The following GRM8 variants were observed in gnomAD, a reference collection of about 807,000 sequenced individuals.
The protein encoded by GRM8 is glutamate metabotropic receptor 8, also known as metabotropic glutamate receptor 8.
In GRM8, 47 loss-of-function variants were observed where a neutral mutation model predicts 87.2. The ratio of observed to expected loss-of-function variants is 0.54; its 90% CI spans 0.43 to 0.69. The LOEUF is 0.69. Among genes scored for constraint, GRM8 ranks in the 30% least tolerant of loss-of-function variants. The probability of loss-of-function intolerance (pLI) is 0.00; values close to 1 mark genes in which losing one functional copy is unlikely to be tolerated. For missense variants in GRM8, 1,019 were observed against 1,139.2 expected, an observed-to-expected ratio of 0.89 and a Z score of 1.52; for synonymous variants, 396 against 404.5, an observed-to-expected ratio of 0.98 and a Z score of 0.25.
chr7:126,506,018 A>C (rs980874514), intron 9 of GRM8, among the ~76,000 whole-genome samples: 4 of 151,956 alleles, frequency 2.6e-5, no homozygotes, highest in Non-Finnish European at 5.9e-5. Context: ...GCCCCTGTCA[A>C]CCACCATGCT....
intron 9 of GRM8, among the ~76,000 whole-genome samples, chr7:126,517,138 G>C (rs1274148041): frequency 6.6e-6 from 1 of 151,990 alleles, no homozygotes; most frequent in Non-Finnish European, 1.5e-5. Context: ...TTTAGGGCCA[G>C]TTTTACACCA....
At chr7:126,440,573 A>G (rs1453555649) in intron 10 of GRM8, among the ~76,000 whole-genome samples, 1 of 151,870 alleles carries the variant, frequency 6.6e-6, no homozygotes, top group Non-Finnish European at 1.5e-5. Flanking sequence ...TATCTTGTAT[A>G]CTCTATTTTT....
intron 10 of GRM8, among the ~76,000 whole-genome samples, chr7:126,439,371 G>A (rs1463284998): frequency 6.6e-6 from 1 of 152,030 alleles, no homozygotes; most frequent in Non-Finnish European, 1.5e-5. Flanking sequence ...ATATAAAGGT[G>A]GTCCCATGAG....
At chr7:126,779,905 T>A (rs1218421917) in intron 6 of GRM8, among the ~76,000 whole-genome samples, 1 of 152,150 alleles carries the variant, frequency 6.6e-6, no homozygotes, top group Admixed American at 6.5e-5. Flanking sequence ...TGCCTCCAAG[T>A]CTCTGAATTC....
At chr7:127,142,769 A>T (rs145554805) in intron 2 of GRM8, among the ~76,000 whole-genome samples, 82 of 152,240 alleles carry the variant, frequency 5.4e-4, no homozygotes, top group African/African-American at 1.4e-3. Flanking sequence ...TGATTCAACA[A>T]CTATTTATTG....
In GRM8 at chr7:127,214,604, G is replaced by A. The variant is rs534416361; in HGVS notation, c.510+28091C>T. On this transcript the variant is annotated intron_variant, in intron 2 of 10. Coordinates refer to ENST00000339582, the MANE Select transcript of GRM8 (RefSeq NM_000845.3). ...AGAAGCAAGTCACGTCTTACATGGC[G>A]GCAGGAGAAGGAGCGTGTTGAAGGA... Among the ~76,000 whole-genome samples, 86 of 152,216 alleles carry A rather than the reference G, an allele frequency of 5.6e-4. 1 individual carries two copies. The highest frequency in any genetic ancestry group is 1.8e-3 in the African/African-American group (75 of 41,542).
chr7:126,439,756 C>G (rs1364684419), intron 10 of GRM8, among the ~76,000 whole-genome samples: 1 of 150,926 alleles, frequency 6.6e-6, no homozygotes, highest in African/African-American at 2.4e-5. Flanking sequence ...CCCCTTAAGA[C>G]CTTCCAGTGG....
chr7:127,024,738 A>T (rs565334863), intron 3 of GRM8, among the ~76,000 whole-genome samples: 4 of 152,092 alleles, frequency 2.6e-5, no homozygotes, highest in Non-Finnish European at 4.4e-5. Context: ...TGGTTTTAGC[A>T]CCTGCTGTTG....
chr7:126,540,699 AT>A (rs898006194), intron 8 of GRM8, among the ~76,000 whole-genome samples: 1 of 152,206 alleles, frequency 6.6e-6, no homozygotes, highest in Non-Finnish European at 1.5e-5. Context: ...CTAATATTGC[AT>A]GTTTTTATTT....
At chr7:127,204,390 G>C (rs952717945) in intron 2 of GRM8, among the ~76,000 whole-genome samples, 1 of 152,132 alleles carries the variant, frequency 6.6e-6, no homozygotes, top group African/African-American at 2.4e-5. Flanking sequence ...GAGAGCCAAG[G>C]GTTCCACCAA....
chr7:126,471,810 T>C (rs1466090062), intron 9 of GRM8, among the ~76,000 whole-genome samples: 2 of 152,112 alleles, frequency 1.3e-5, no homozygotes, highest in Non-Finnish European at 2.9e-5. Flanking sequence ...ATATTGATTC[T>C]TCCTACCCAT....
At chr7:127,055,709 C>A (rs1239831488) in intron 3 of GRM8, among the ~76,000 whole-genome samples, 1 of 151,764 alleles carries the variant, frequency 6.6e-6, no homozygotes, top group Non-Finnish European at 1.5e-5. Context: ...TGCTTCTTAT[C>A]AAGGTGGAAA....
rs184231811 is a variant in GRM8 at position 126,794,346 on chromosome 7, C to T, written c.1157-24281G>A. On this transcript the variant is annotated intron_variant, in intron 6 of 10. Transcript: ENST00000339582. ...TAGTGGCAATTCCCAGGTTTAGTGT[C>T]TCCAAAGGTAATTTTCTCCAGTTAC... is the stretch of plus-strand genomic sequence containing the variant. Among the ~76,000 whole-genome samples the T allele has an allele frequency of 6.8e-4, 104 of 152,212 alleles. 2 individuals are homozygous for T. The highest frequency in any genetic ancestry group is 6.7e-3 in the Admixed American group (103 of 15,268).
intron 2 of GRM8, among the ~76,000 whole-genome samples, chr7:127,165,965 G>T (rs1793429321): frequency 6.6e-6 from 1 of 152,150 alleles, no homozygotes; most frequent in South Asian, 2.1e-4. Context: ...TCTGACATCA[G>T]TTTTCTGACA....
At chr7:126,822,149 A>ATT (rs1448210218) in intron 6 of GRM8, among the ~76,000 whole-genome samples, 1 of 152,168 alleles carries the variant, frequency 6.6e-6, no homozygotes, top group East Asian at 1.9e-4. Context: ...TTTTGTAAGA[A>ATT]TTATATCCTC....
At chr7:126,853,488 T>A (rs1797405750) in intron 6 of GRM8, among the ~76,000 whole-genome samples, 1 of 152,160 alleles carries the variant, frequency 6.6e-6, no homozygotes, top group Non-Finnish European at 1.5e-5. Flanking sequence ...ACTTAACCTA[T>A]GAAGCAGTTA....
intron 10 of GRM8, among the ~76,000 whole-genome samples, chr7:126,441,674 T>G (rs1011030678): frequency 6.6e-6 from 1 of 152,076 alleles, no homozygotes; most frequent in Non-Finnish European, 1.5e-5. Flanking sequence ...GTAAAGTTCC[T>G]CCTCGGAAAT....
At chr7:126,959,324 G>A (rs754151695) in intron 3 of GRM8, among the ~76,000 whole-genome samples, 1 of 152,190 alleles carries the variant, frequency 6.6e-6, no homozygotes, top group Non-Finnish European at 1.5e-5. Context: ...GGAAGTCCCC[G>A]AGCTAAAGCC....
intron 7 of GRM8, among the ~76,000 whole-genome samples, chr7:126,668,714 G>T (rs1033275808): frequency 2.0e-5 from 3 of 152,158 alleles, no homozygotes; most frequent in African/African-American, 7.2e-5. Flanking sequence ...TCTTCCCCAG[G>T]CATTTTTAAA....
Sources: allele counts gnomAD v4.1 joint callset (sites outside exome capture counted in the v4.1 genomes callset), GRCh38; gene constraint gnomAD v4.1.1; transcripts MANE v1.5; gene names NCBI Gene and HGNC (gene_info 2026-07-23, HGNC 2026-07-21).